EIF4G3: variants seen among roughly 807,000 people sequenced by gnomAD.
EIF4G3 encodes the protein eukaryotic translation initiation factor 4 gamma 3.
In EIF4G3, 34 loss-of-function variants were observed where a neutral mutation model predicts 186.4. The ratio of observed to expected loss-of-function variants is 0.18; its 90% CI spans 0.14 to 0.24. EIF4G3 has a LOEUF of 0.24. Among genes scored for constraint, EIF4G3 ranks in the 10% least tolerant of loss-of-function variants. EIF4G3 has a pLI of 1.00. For synonymous variants in EIF4G3, 673 were observed against 679.5 expected (o/e 0.99, Z 0.15); for missense variants, 1,536 against 1,948.5 (o/e 0.79, Z 3.99).
intron 16 of EIF4G3, among the ~76,000 whole-genome samples, chr1:20,896,696 C>T (rs2088272183): frequency 6.6e-6 from 1 of 152,136 alleles, no homozygotes; most frequent in South Asian, 2.1e-4. Flanking sequence ...TTTACATTCA[C>T]TCACCACTCA....
intron 15 of EIF4G3, among the ~76,000 whole-genome samples, chr1:20,904,602 C>T (rs1314368612): frequency 6.6e-6 from 1 of 152,184 alleles, no homozygotes; most frequent in Admixed American, 6.5e-5. Context: ...CCTGCCTTCA[C>T]CTCACAAAGT....
At chr1:20,867,665 C>T (rs572277463) in intron 20 of EIF4G3, among the ~76,000 whole-genome samples, 1 of 152,172 alleles carries the variant, frequency 6.6e-6, no homozygotes, top group East Asian at 1.9e-4. Flanking sequence ...TTTGACAGGC[C>T]TATGATTAAA....
chr1:21,176,379 T>C, intron 1 of EIF4G3, 21 bp from the exon 2 acceptor site: 2 of 244,276 alleles, frequency 8.2e-6, no homozygotes, highest in Non-Finnish European at 1.5e-5. Context: ...AGCCGGTTTC[T>C]GCGGTAAACT....
At chr1:21,095,309 T>C (rs1238052253) in intron 2 of EIF4G3, among the ~76,000 whole-genome samples, 1 of 152,186 alleles carries the variant, frequency 6.6e-6, no homozygotes, top group Non-Finnish European at 1.5e-5. Flanking sequence ...TTGCAATTAG[T>C]ATCTCTGGAA....
chr1:20,892,733 TAGAAAC>T, intron 18 of EIF4G3: 1 of 1,526,764 alleles, frequency 6.5e-7, no homozygotes, highest in Non-Finnish European at 8.8e-7. Flanking sequence ...TGCAAATCTG[TAGAAAC>T]AAAGACAAAG....
chr1:21,081,168 C>CA lies in EIF4G3; in HGVS notation c.-196+7969dup, dbSNP rs953015150. On this transcript the variant is annotated intron_variant, in intron 3 of 36. Transcript: ENST00000602326. ...TGTACTTGGGCTGGGCGTGGTGGCTCACGCCTGTAATCCCAGCACTTTGGG... is the reference window on the plus strand; with the variant it reads ...TGTACTTGGGCTGGGCGTGGTGGCTCAACGCCTGTAATCCCAGCACTTTGGG... 4.0e-4 allele frequency among the ~76,000 whole-genome samples: 61 copies of CA among 152,300 alleles called. 1 individual carries two copies. The highest frequency in any genetic ancestry group is 1.5e-3 in the African/African-American group (61 of 41,568).
intron 3 of EIF4G3, among the ~76,000 whole-genome samples, chr1:21,071,430 G>A (rs1485979501): frequency 1.3e-5 from 2 of 152,078 alleles, no homozygotes; most frequent in East Asian, 3.9e-4. Context: ...AAACCAAAGA[G>A]AAACACATCC....
chr1:20,956,883 C>G (rs910195448), intron 12 of EIF4G3, among the ~76,000 whole-genome samples: 3 of 152,118 alleles, frequency 2.0e-5, no homozygotes, highest in African/African-American at 7.2e-5. Context: ...GGATTACAGG[C>G]ATGAGCCACC....
chr1:21,084,298 A>G (rs7539512), intron 3 of EIF4G3, among the ~76,000 whole-genome samples: 65,345 of 151,710 alleles, frequency 0.43, 14,457 homozygotes, highest in Non-Finnish European at 0.47. Context: ...TGGCTGGGGA[A>G]GCCCCAAGAA....
intron 2 of EIF4G3, chr1:21,168,068 G>C (rs1345582903): frequency 4.3e-6 from 2 of 470,044 alleles, no homozygotes; most frequent in Non-Finnish European, 8.8e-6. Context: ...TAAACAAAAA[G>C]TTCACTTATA....
At chr1:21,074,669 A>C (rs1292312375) in intron 3 of EIF4G3, among the ~76,000 whole-genome samples, 2 of 152,230 alleles carry the variant, frequency 1.3e-5, no homozygotes, top group African/African-American at 4.8e-5. Context: ...ATGGCTAAGA[A>C]GAAAGTTCTT....
At chr1:21,023,258 C>T (rs1296846658) in intron 4 of EIF4G3, among the ~76,000 whole-genome samples, 2 of 116,162 alleles carry the variant, frequency 1.7e-5, no homozygotes, top group Middle Eastern at 4.3e-3. Flanking sequence ...CTCCCCCCCT[C>T]CCCCTCCCTC....
Position 20,922,887 on chromosome 1 carries a change from G to A in EIF4G3, c.1664-17916C>T, listed in dbSNP as rs909961521. On this transcript the variant is annotated intron_variant, in intron 14 of 36. Transcript: ENST00000602326. ...TACAGTGCCTGGCAAATCTGTTAAT[G>A]AATAAATGACCTGCAATCAAAATTA... Among the ~76,000 whole-genome samples, 62 of 152,188 alleles carry A rather than the reference G, an allele frequency of 4.1e-4. 2 individuals are homozygous for A. Among genetic ancestry groups the A allele is most frequent in the Non-Finnish European group, 1.5e-4 (10 of 68,034 alleles).
At chr1:21,113,067 G>C (rs1483716227) in intron 2 of EIF4G3, among the ~76,000 whole-genome samples, 1 of 146,994 alleles carries the variant, frequency 6.8e-6, no homozygotes, top group Non-Finnish European at 1.5e-5. Flanking sequence ...GCTGAGAATG[G>C]CTTGAGCCCA....
chr1:20,895,527 CTGTT>C (rs753137346), intron 16 of EIF4G3, 26 bp from the exon 17 acceptor site: 3 of 1,611,354 alleles, frequency 1.9e-6, no homozygotes, highest in Non-Finnish European at 1.7e-6. Context: ...TAGGCAGACA[CTGTT>C]TGTAGGGCAT....
chr1:20,909,814 C>T (rs866441014), intron 14 of EIF4G3, among the ~76,000 whole-genome samples: 8 of 146,036 alleles, frequency 5.5e-5, no homozygotes, highest in Non-Finnish European at 3.0e-5. Context: ...CATGGTCTTC[C>T]TTTGTTGCCC....
chr1:21,045,289 T>C (rs1439766185), intron 4 of EIF4G3, among the ~76,000 whole-genome samples: 1 of 152,204 alleles, frequency 6.6e-6, no homozygotes, highest in Non-Finnish European at 1.5e-5. Context: ...AAACTCATCC[T>C]TTACTAATGA....
intron 14 of EIF4G3, among the ~76,000 whole-genome samples, chr1:20,923,200 A>G (rs763694375): frequency 2.0e-5 from 3 of 152,158 alleles, no homozygotes; most frequent in Non-Finnish European, 4.4e-5. Flanking sequence ...CTTTTGTAGC[A>G]TGACAGGATG....
chr1:21,176,814 C>A lies in EIF4G3; in HGVS notation c.-548G>T, dbSNP rs1015258744. ...GCCCTTCTCGGTAGCGGGGCTCAGG[C>A]GATGCCGGTGGATTTTCTTCACTCA... On this transcript the variant is annotated 5_prime_UTR_variant, in exon 1 of 37. Transcript: ENST00000602326. 3 of 701,674 alleles carry A rather than the reference C, an allele frequency of 4.3e-6. No individual in the cohort carries two copies. Among genetic ancestry groups the A allele is most frequent in the Non-Finnish European group, 7.8e-6 (3 of 384,242 alleles). 43.5% of individuals were successfully genotyped at this position (701,674 alleles called of 1,614,324 possible). A position where few individuals can be genotyped will look rare whatever the true frequency, so the allele number is the denominator to read the frequency against.
Sources: gnomAD v4.1 joint callset for allele counts (sites outside exome capture counted in the v4.1 genomes callset) on GRCh38, gnomAD v4.1.1 for gene constraint, MANE v1.5 for transcripts, NCBI Gene and HGNC (gene_info 2026-07-23, HGNC 2026-07-21) for gene names.